REL: variants seen among roughly 807,000 people sequenced by gnomAD.
The protein encoded by REL is proto-oncogene c-Rel.
REL carries 15 observed loss-of-function variants against 45.9 expected under a neutral mutation model. The ratio of observed to expected loss-of-function variants is 0.33; its 90% CI spans 0.22 to 0.50. The LOEUF (loss-of-function observed/expected upper bound fraction) is 0.50. REL is among the 20% of genes least tolerant of loss of function. The probability of loss-of-function intolerance (pLI) is 0.98; values close to 1 mark genes in which losing one functional copy is unlikely to be tolerated. For missense variants in REL, 601 were observed against 715.2 expected, an observed-to-expected ratio of 0.84 and a Z score of 1.82; for synonymous variants, 239 against 242.1, an observed-to-expected ratio of 0.99 and a Z score of 0.12.
intron 1 of REL, among the ~76,000 whole-genome samples, chr2:60,889,819 G>A (rs892023372): frequency 6.6e-6 from 1 of 152,134 alleles, no homozygotes; most frequent in Non-Finnish European, 1.5e-5. Context: ...TGGTGTATAT[G>A]TGCCACATTT....
At chr2:60,900,838 T>C in intron 3 of REL, 154 bp from the exon 4 acceptor site, 2 of 666,864 alleles carry the variant, frequency 3.0e-6, no homozygotes, top group South Asian at 3.9e-5. Context: ...TCCCACTTCT[T>C]ACTCTCTCAT....
intron 1 of REL, among the ~76,000 whole-genome samples, chr2:60,889,744 C>T (rs1673160855): frequency 6.6e-6 from 1 of 152,098 alleles, no homozygotes; most frequent in South Asian, 2.1e-4. Context: ...CGATAGTTTC[C>T]AGCTTCATCT....
At chr2:60,911,739 A>C (rs1673818808) in intron 4 of REL, among the ~76,000 whole-genome samples, 1 of 152,024 alleles carries the variant, frequency 6.6e-6, no homozygotes, top group Admixed American at 6.6e-5. Flanking sequence ...GGTAGCTCAC[A>C]CCTGTAATCC....
At chr2:60,905,591 A>G (rs1236253252) in intron 4 of REL, among the ~76,000 whole-genome samples, 3 of 152,202 alleles carry the variant, frequency 2.0e-5, no homozygotes, top group African/African-American at 7.2e-5. Context: ...ACATGGCACC[A>G]AAGTGTGTTA....
rs2103996976 is a variant in REL at position 60,926,139 on chromosome 2, C to T, written c.*3604C>T. ...AACTCTACTTGTGCACTGGATCCCT[C>T]CTCCTTTCTCTGCCAGGCTGTGTTT... On this transcript the variant is annotated 3_prime_UTR_variant, in exon 10 of 10. Coordinates refer to ENST00000394479, the MANE Select transcript of REL (RefSeq NM_001291746.2). 1 of 231,924 alleles carries T rather than the reference C, an allele frequency of 4.3e-6. No individual in the cohort carries two copies. The highest frequency in any genetic ancestry group is 2.2e-5 in the African/African-American group (1 of 45,374). 14.4% of individuals were successfully genotyped at this position (231,924 alleles called of 1,614,324 possible).
At position 60,890,334 on chromosome 2, in the gene REL, CT is replaced by C. The variant is rs548269720; in HGVS notation, c.11-1348del. ...GAGGTAGGTGCTATTATGATTATTC[CT>C]ATTTTACAGAGGAGGAAACTAAGAG... is the stretch of plus-strand genomic sequence containing the variant. On this transcript the variant is annotated intron_variant, in intron 1 of 9. Coordinates refer to ENST00000394479, the MANE Select transcript of REL (RefSeq NM_001291746.2). 7.3e-3 allele frequency among the ~76,000 whole-genome samples: 1,105 copies of C among 152,264 alleles called. 6 individuals are homozygous for C. The highest frequency in any genetic ancestry group is 0.012 in the Non-Finnish European group (791 of 68,006).
intron 4 of REL, among the ~76,000 whole-genome samples, chr2:60,913,595 C>G (rs563705789): frequency 2.8e-4 from 43 of 152,312 alleles, no homozygotes; most frequent in Admixed American, 7.2e-4. Context: ...TTGGCAAACT[C>G]TCAACTCCTT....
At chr2:60,886,878 A>G (rs951239489) in intron 1 of REL, among the ~76,000 whole-genome samples, 2 of 152,212 alleles carry the variant, frequency 1.3e-5, no homozygotes, top group Admixed American at 6.5e-5. Context: ...TTTAGAAGTT[A>G]TTCTGATGTA....
chr2:60,915,496 AATACTGGG>A (rs1311942902), intron 4 of REL, among the ~76,000 whole-genome samples: 3 of 152,198 alleles, frequency 2.0e-5, no homozygotes, highest in African/African-American at 7.2e-5. Context: ...TAAGAATGCT[AATACTGGG>A]ATACTTATAA....
In REL at chr2:60,881,748, G is replaced by A; in HGVS notation, c.-93G>A. On this transcript the variant is annotated 5_prime_UTR_variant, in exon 1 of 10. Transcript: ENST00000394479. ...GGTCGGGGGACTGGGGGCCCCGCCG[G>A]CAGAGGTCCCTCGGCCTCCTGACTG... is the stretch of plus-strand genomic sequence containing the variant. 1 of 1,190,406 alleles carries A rather than the reference G, an allele frequency of 8.4e-7. No individual in the cohort carries two copies. Among genetic ancestry groups the A allele is most frequent in the Non-Finnish European group, 1.2e-6 (1 of 843,726 alleles). 73.7% of individuals were successfully genotyped at this position (1,190,406 alleles called of 1,614,324 possible).
chr2:60,891,481 T>A (rs1355763233), intron 1 of REL, among the ~76,000 whole-genome samples: 1 of 152,114 alleles, frequency 6.6e-6, no homozygotes, highest in Non-Finnish European at 1.5e-5. Flanking sequence ...GTTTTGACAC[T>A]ACATAGGGAC....
chr2:60,881,770 A>T lies in REL; in HGVS notation c.-71A>T. On this transcript the variant is annotated 5_prime_UTR_variant, in exon 1 of 10. Coordinates refer to ENST00000394479, the MANE Select transcript of REL (RefSeq NM_001291746.2). ...CCGGCAGAGGTCCCTCGGCCTCCTG[A>T]CTGACTGACTGCGGCCGCCTCCGGC... The T allele has an allele frequency of 7.0e-7, 1 of 1,437,320 alleles. No homozygotes were observed. The highest frequency in any genetic ancestry group is 9.4e-7 in the Non-Finnish European group (1 of 1,062,280). 89.0% of individuals were successfully genotyped at this position (1,437,320 alleles called of 1,614,324 possible). A position where few individuals can be genotyped will look rare whatever the true frequency, so the allele number is the denominator to read the frequency against.
intron 1 of REL, among the ~76,000 whole-genome samples, chr2:60,889,317 C>A (rs898693692): frequency 4.6e-5 from 7 of 151,830 alleles, no homozygotes; most frequent in Non-Finnish European, 1.0e-4. Context: ...TTTGTTAGTG[C>A]TTTCCTTCCT....
At chr2:60,892,659 A>G (rs1432876404) in intron 2 of REL, among the ~76,000 whole-genome samples, 1 of 151,912 alleles carries the variant, frequency 6.6e-6, no homozygotes, top group Non-Finnish European at 1.5e-5. Context: ...CCAACTCTTG[A>G]CATCAGGTGA....
chr2:60,914,835 G>GTTTTTTT (rs34572751), intron 4 of REL, among the ~76,000 whole-genome samples: 1 of 131,188 alleles, frequency 7.6e-6, no homozygotes. Context: ...TTGTTTTTTT[G>GTTTTTTT]TTTTTTTTTT....
intron 4 of REL, among the ~76,000 whole-genome samples, chr2:60,910,240 C>T (rs565257931): frequency 6.2e-4 from 94 of 151,624 alleles, no homozygotes; most frequent in African/African-American, 2.2e-3. Context: ...CTGAGGTGCG[C>T]AGATCACGAG....
chr2:60,890,145 C>CT (rs1673171447), intron 1 of REL, among the ~76,000 whole-genome samples: 1 of 152,180 alleles, frequency 6.6e-6, no homozygotes. Context: ...GCCATTCTAA[C>CT]TGGTGTAAGA....
chr2:60,916,140 C>CA (rs1262210605), intron 4 of REL, among the ~76,000 whole-genome samples: 2 of 152,340 alleles, frequency 1.3e-5, no homozygotes, highest in African/African-American at 4.8e-5. Flanking sequence ...AGGCCAGGCT[C>CA]AGTGGCTCAC....
At chr2:60,920,187 TTTTTG>T (rs775121893) in intron 8 of REL, 78 bp downstream of exon 8, 4 of 1,174,660 alleles carry the variant, frequency 3.4e-6, no homozygotes, top group Non-Finnish European at 4.9e-6. Context: ...AATTTTATTA[TTTTTG>T]TTTTGTTTTG....
Sources: gnomAD v4.1 joint callset for allele counts (sites outside exome capture counted in the v4.1 genomes callset) on GRCh38, gnomAD v4.1.1 for gene constraint, MANE v1.5 for transcripts, NCBI Gene and HGNC (gene_info 2026-07-23, HGNC 2026-07-21) for gene names.